MACROD2: variants seen among roughly 807,000 people sequenced by gnomAD.
MACROD2 encodes mono-ADP ribosylhydrolase 2, also known as ADP-ribose glycohydrolase MACROD2.
A neutral mutation model predicts 70.4 loss-of-function variants in MACROD2; 36 were observed. That is an observed-to-expected ratio of 0.51 (90% CI 0.39 to 0.68). The LOEUF (loss-of-function observed/expected upper bound fraction) is 0.68. MACROD2 is among the 30% of genes least tolerant of loss of function. The pLI, the probability that MACROD2 is intolerant of heterozygous loss-of-function variation, is 0.00. For synonymous variants in MACROD2, 172 were observed against 178.8 expected, an observed-to-expected ratio of 0.96 and a Z score of 0.30; for missense variants, 496 against 538.4, an observed-to-expected ratio of 0.92 and a Z score of 0.78.
chr20:15,772,663 A>G (rs889798450), intron 8 of MACROD2, among the ~76,000 whole-genome samples: 1 of 152,138 alleles, frequency 6.6e-6, no homozygotes, highest in Admixed American at 6.5e-5. Context: ...TCATGGCAGA[A>G]GACGAAGGGG....
At chr20:15,038,575 C>G (rs1226471924) in intron 5 of MACROD2, among the ~76,000 whole-genome samples, 1 of 152,192 alleles carries the variant, frequency 6.6e-6, no homozygotes, top group Non-Finnish European at 1.5e-5. Flanking sequence ...CCAGAGGCCA[C>G]CTGTCCATGT....
intron 5 of MACROD2, among the ~76,000 whole-genome samples, chr20:15,126,111 CTTTT>C (rs5840654): frequency 0.29 from 28,433 of 98,618 alleles, 3,172 homozygotes; most frequent in Non-Finnish European, 0.37. Context: ...ATTGTTTCAA[CTTTT>C]TTTTTTTTTT....
intron 3 of MACROD2, among the ~76,000 whole-genome samples, chr20:14,275,842 G>T (rs1309418341): frequency 2.0e-5 from 3 of 152,116 alleles, no homozygotes; most frequent in Non-Finnish European, 4.4e-5. Flanking sequence ...CTTCTCAAAA[G>T]AAGACATTTA....
chr20:14,790,603 C>T (rs1280791435), intron 5 of MACROD2, among the ~76,000 whole-genome samples: 2 of 152,052 alleles, frequency 1.3e-5, no homozygotes, highest in African/African-American at 4.8e-5. Context: ...ATAGTGTAGG[C>T]TAGACATAAT....
At chr20:15,206,075 T>C (rs757494811) in intron 5 of MACROD2, among the ~76,000 whole-genome samples, 6 of 152,210 alleles carry the variant, frequency 3.9e-5, no homozygotes, top group Non-Finnish European at 7.3e-5. Flanking sequence ...CTTGTGTGTG[T>C]GTGTGTGATG....
At chr20:15,015,114 A>G (rs552170077) in intron 5 of MACROD2, among the ~76,000 whole-genome samples, 4 of 152,240 alleles carry the variant, frequency 2.6e-5, no homozygotes, top group Non-Finnish European at 5.9e-5. Flanking sequence ...TAAATACTAT[A>G]TACTTATAAC....
Position 15,622,748 on chromosome 20 carries a change from T to G in MACROD2, c.645+122901T>G, listed in dbSNP as rs560441561. On this transcript the variant is annotated intron_variant, in intron 8 of 17. Coordinates refer to ENST00000684519, the MANE Select transcript of MACROD2 (RefSeq NM_001351661.2). ...ATCACAGGAAAAAGGGTGAGCACAGTACAATAAGGTATTTTGAGAGAGAGA... is the reference window on the plus strand; with the variant it reads ...ATCACAGGAAAAAGGGTGAGCACAGGACAATAAGGTATTTTGAGAGAGAGA... Among the ~76,000 whole-genome samples the G allele has an allele frequency of 1.7e-4, 26 of 152,338 alleles. No homozygotes were observed. The South Asian group carries it at 5.4e-3, about 32-fold the overall frequency.
At chr20:14,464,168 CT>C (rs1311084821) in intron 3 of MACROD2, among the ~76,000 whole-genome samples, 9 of 150,602 alleles carry the variant, frequency 6.0e-5, no homozygotes, top group South Asian at 2.1e-4. Flanking sequence ...TGGTCCTGGA[CT>C]TTTTTTGGTT....
chr20:15,312,568 A>G (rs2077764661), intron 6 of MACROD2, among the ~76,000 whole-genome samples: 1 of 152,196 alleles, frequency 6.6e-6, no homozygotes, highest in African/African-American at 2.4e-5. Flanking sequence ...GTTTAAAGAA[A>G]TATACAGAAC....
intron 5 of MACROD2, among the ~76,000 whole-genome samples, chr20:15,015,449 A>G (rs1454835275): frequency 6.6e-6 from 1 of 151,290 alleles, no homozygotes; most frequent in Non-Finnish European, 1.5e-5. Context: ...TTTTTTTTCT[A>G]CATTTTTAAT....
At chr20:14,187,139 G>GAAA (rs71335951) in intron 3 of MACROD2, among the ~76,000 whole-genome samples, 10 of 112,974 alleles carry the variant, frequency 8.9e-5, no homozygotes, top group African/African-American at 2.0e-4. Context: ...TTTAAAAAAG[G>GAAA]AAAAAAAAAA....
chr20:15,773,980 T>C (rs74489661), intron 8 of MACROD2, among the ~76,000 whole-genome samples: 1 of 152,280 alleles, frequency 6.6e-6, no homozygotes, highest in East Asian at 1.9e-4. Flanking sequence ...AGAAAAGCAA[T>C]ATTGATATAC....
chr20:15,633,559 C>T (rs144697852), intron 8 of MACROD2, among the ~76,000 whole-genome samples: 1 of 132,882 alleles, frequency 7.5e-6, no homozygotes, highest in African/African-American at 3.4e-5. Flanking sequence ...ATAATAGAAG[C>T]ATCCGTGAAT....
intron 5 of MACROD2, among the ~76,000 whole-genome samples, chr20:15,206,721 G>GTTTTTTTTTGTTTTTTTTTTT (rs2076707346): frequency 9.1e-5 from 3 of 32,990 alleles, no homozygotes; most frequent in African/African-American, 4.6e-4. Flanking sequence ...TATTATCTAT[G>GTTTTTTTTTGTTTTTTTTTTT]TTTTTTTTTT....
At chr20:14,465,396 T>C (rs1328131895) in intron 3 of MACROD2, among the ~76,000 whole-genome samples, 1 of 152,116 alleles carries the variant, frequency 6.6e-6, no homozygotes, top group East Asian at 1.9e-4. Flanking sequence ...TGGTAGATCT[T>C]CCTCCATCCC....
intron 8 of MACROD2, among the ~76,000 whole-genome samples, chr20:15,681,638 GGCC>G (rs1219933988): frequency 2.6e-5 from 4 of 152,174 alleles, no homozygotes; most frequent in African/African-American, 9.7e-5. Flanking sequence ...GAGATAGAAT[GGCC>G]AGTAGTTTGC....
intron 6 of MACROD2, among the ~76,000 whole-genome samples, chr20:15,341,806 T>C (rs6043221): frequency 0.26 from 40,041 of 152,108 alleles, 5,348 homozygotes; most frequent in Middle Eastern, 0.33. Context: ...ATCCCAGCTA[T>C]TAAGGAAGCC....
chr20:14,512,083 A>G (rs1211221693), intron 4 of MACROD2, among the ~76,000 whole-genome samples: 1 of 152,114 alleles, frequency 6.6e-6, no homozygotes, highest in Non-Finnish European at 1.5e-5. Flanking sequence ...GAAGAGGCAA[A>G]AATGAATTCA....
rs1279703455 is a variant in MACROD2, at chr20:15,454,679, A to G, written c.571+23244A>G. Among the ~76,000 whole-genome samples the G allele has an allele frequency of 8.5e-5, 5 of 58,638 alleles. 1 individual carries two copies. Among genetic ancestry groups the G allele is most frequent in the Non-Finnish European group, 1.8e-4 (5 of 28,084 alleles). 38.5% of individuals were successfully genotyped at this position (58,638 alleles called of 152,430 possible). On this transcript the variant is annotated intron_variant, in intron 7 of 17. Transcript: ENST00000684519. ...GCAGTCACGCTGGCTCTCTTCATAAATCTGTAAAATAAAAATGAGCTTTCT... is the reference window on the plus strand; with the variant it reads ...GCAGTCACGCTGGCTCTCTTCATAAGTCTGTAAAATAAAAATGAGCTTTCT...
Sources: gnomAD v4.1 joint callset for allele counts (sites outside exome capture counted in the v4.1 genomes callset) on GRCh38, gnomAD v4.1.1 for gene constraint, MANE v1.5 for transcripts, NCBI Gene and HGNC (gene_info 2026-07-23, HGNC 2026-07-21) for gene names.